PTBP2: variants seen among roughly 807,000 people sequenced by gnomAD.
PTBP2 encodes polypyrimidine tract-binding protein 2.
PTBP2 carries 13 observed loss-of-function variants against 61.4 expected under a neutral mutation model. That is an observed-to-expected ratio of 0.21 (90% CI 0.14 to 0.34). The LOEUF (loss-of-function observed/expected upper bound fraction) is 0.34, where lower values mean the gene tolerates loss of function less well. Ranked by LOEUF, PTBP2 falls within the 10% of genes least tolerant of loss-of-function variation. The pLI is 1.00. For missense variants in PTBP2, 405 were observed against 642.6 expected (o/e 0.63, Z 4.00); for synonymous variants, 215 against 218.5 (o/e 0.98, Z 0.14).
chr1:96,760,444 T>TC (rs1390569007), intron 3 of PTBP2, among the ~76,000 whole-genome samples: 1 of 129,900 alleles, frequency 7.7e-6, no homozygotes, highest in Non-Finnish European at 1.7e-5. Flanking sequence ...AGTTTGCTTT[T>TC]TTTTTTTTTT....
chr1:96,748,701 G>A (rs944515821), intron 2 of PTBP2, among the ~76,000 whole-genome samples: 5 of 152,114 alleles, frequency 3.3e-5, no homozygotes, highest in African/African-American at 1.2e-4. Context: ...TTGATTCTAA[G>A]TACCACTAAT....
In PTBP2 at chr1:96,823,046, C is replaced by T. The variant is rs142857404; in HGVS notation, c.*9641C>T. ...TGTGATCTCTGCTCACTGCACCCTC[C>T]GCCTCCCGGGTTCAAGCAATTCTCC... On this transcript the variant is annotated 3_prime_UTR_variant, in exon 14 of 14. Transcript: ENST00000609116. 1,411 of 152,148 alleles carry T rather than the reference C, an allele frequency of 9.3e-3. 9 individuals carry two copies. The highest frequency in any genetic ancestry group is 0.012 in the Non-Finnish European group (850 of 68,096). The allele number at this position is 152,148 out of a possible 1,614,324, so 9.4% of individuals were successfully genotyped here. A position where few individuals can be genotyped will look rare whatever the true frequency, so the allele number is the denominator to read the frequency against.
intron 2 of PTBP2, among the ~76,000 whole-genome samples, chr1:96,748,806 G>A (rs1263737261): frequency 6.6e-6 from 1 of 152,152 alleles, no homozygotes; most frequent in Admixed American, 6.5e-5. Context: ...TGACCAGGCT[G>A]AAATAATTCA....
intron 2 of PTBP2, 58 bp downstream of exon 2, chr1:96,723,652 A>G: frequency 6.8e-7 from 1 of 1,464,848 alleles, no homozygotes; most frequent in South Asian, 1.4e-5. Context: ...TAATTACTGG[A>G]AAATTTTAGC....
intron 3 of PTBP2, 58 bp from the exon 4 acceptor site, chr1:96,769,645 A>G: frequency 8.1e-7 from 1 of 1,238,152 alleles, no homozygotes; most frequent in Non-Finnish European, 1.1e-6. Flanking sequence ...CACAAATAGG[A>G]AAATTCATAC....
chr1:96,800,161 A>T (rs1660823203), intron 8 of PTBP2, among the ~76,000 whole-genome samples: 1 of 152,190 alleles, frequency 6.6e-6, no homozygotes, highest in Non-Finnish European at 1.5e-5. Context: ...ATAATAGATT[A>T]TCTGACAGGG....
intron 2 of PTBP2, among the ~76,000 whole-genome samples, chr1:96,750,794 C>A (rs777880200): frequency 2.5e-4 from 38 of 152,106 alleles, no homozygotes; most frequent in Non-Finnish European, 4.7e-4. Context: ...ATAACATTTT[C>A]AAAATAGCTA....
In PTBP2 at chr1:96,733,086, T is replaced by C. The variant is rs60795433; in HGVS notation, c.39+9492T>C. ...CACAAAGTATTATCTTATAGTTTTG[T>C]AGGTGAGAAATCTGACACAGGTGGG... On this transcript the variant is annotated intron_variant, in intron 2 of 13. Transcript: ENST00000674951. 3.0e-3 allele frequency among the ~76,000 whole-genome samples: 449 copies of C among 151,974 alleles called. 3 individuals carry two copies. The highest frequency in any genetic ancestry group is 0.011 in the African/African-American group (436 of 41,466).
downstream of PTBP2, chr1:96,815,660 TGAA>T (rs1662454386): frequency 3.3e-5 from 5 of 152,230 alleles, no homozygotes; most frequent in Admixed American, 3.3e-4. Flanking sequence ...AAAAAGTAAA[TGAA>T]GGAACATAAA....
intron 2 of PTBP2, among the ~76,000 whole-genome samples, chr1:96,727,937 T>C (rs1367999731): frequency 6.6e-6 from 1 of 152,136 alleles, no homozygotes; most frequent in Non-Finnish European, 1.5e-5. Context: ...GTCTGAGCCA[T>C]TTTTGCCTGA....
intron 10 of PTBP2, 94 bp from the exon 11 acceptor site, chr1:96,806,772 A>C (rs901189546): frequency 1.1e-6 from 1 of 871,316 alleles, no homozygotes; most frequent in Non-Finnish European, 1.9e-6. Flanking sequence ...TGATGTCTGA[A>C]TGTTTCATTG....
chr1:96,790,866 G>A (rs1659711510), intron 8 of PTBP2, among the ~76,000 whole-genome samples: 1 of 152,124 alleles, frequency 6.6e-6, no homozygotes, highest in Non-Finnish European at 1.5e-5. Flanking sequence ...AGGGGGTGGG[G>A]TGGATAAAGG....
At chr1:96,817,500 A>G (rs1372252565), downstream of PTBP2, 1 of 152,090 alleles carries the variant, frequency 6.6e-6, no homozygotes, top group South Asian at 2.1e-4. Context: ...ATAAAAGTGT[A>G]CATGTTAAAG....
intron 3 of PTBP2, among the ~76,000 whole-genome samples, chr1:96,756,484 T>C (rs1488970403): frequency 6.6e-6 from 1 of 152,206 alleles, no homozygotes; most frequent in East Asian, 1.9e-4. Context: ...GCGCAGAAAG[T>C]AGCACATGGA....
At chr1:96,802,070 G>T in intron 8 of PTBP2, among the ~76,000 whole-genome samples, 1 of 151,162 alleles carries the variant, frequency 6.6e-6, no homozygotes. Flanking sequence ...AATTAGCCGG[G>T]CGTGTTGGCG....
intron 2 of PTBP2, chr1:96,751,166 T>C (rs1488850517): frequency 2.7e-5 from 13 of 483,534 alleles, no homozygotes; most frequent in Non-Finnish European, 4.5e-5. Flanking sequence ...CCAAAGCTTT[T>C]GCTTATAGAA....
At chr1:96,746,702 G>GAAA (rs34663964) in intron 2 of PTBP2, among the ~76,000 whole-genome samples, 3 of 111,864 alleles carry the variant, frequency 2.7e-5, no homozygotes, top group African/African-American at 6.6e-5. Flanking sequence ...GACTTTGTCT[G>GAAA]AAAAAAAAAA....
intron 2 of PTBP2, among the ~76,000 whole-genome samples, chr1:96,726,883 C>T (rs1173493429): frequency 6.6e-6 from 1 of 152,096 alleles, no homozygotes; most frequent in African/African-American, 2.4e-5. Flanking sequence ...GCGTCCGGCC[C>T]ATATCTTGCC....
chr1:96,811,279 C>T (rs1037184436), intron 11 of PTBP2, among the ~76,000 whole-genome samples: 1 of 151,988 alleles, frequency 6.6e-6, no homozygotes, highest in Non-Finnish European at 1.5e-5. Context: ...ATGGATTTAA[C>T]CAGTTCTTTG....
Sources: allele counts gnomAD v4.1 joint callset (sites outside exome capture counted in the v4.1 genomes callset), GRCh38; gene constraint gnomAD v4.1.1; transcripts MANE v1.5; gene names NCBI Gene and HGNC (gene_info 2026-07-23, HGNC 2026-07-21).